FRMPD4: variants seen among roughly 807,000 people sequenced by gnomAD.
FRMPD4 encodes the protein FERM and PDZ domain-containing protein 4.
In FRMPD4, 22 loss-of-function variants were observed where a neutral mutation model predicts 94.1. That is an observed-to-expected ratio of 0.23 (90% confidence interval 0.17 to 0.33). The LOEUF (loss-of-function observed/expected upper bound fraction) is 0.33, where lower values mean the gene tolerates loss of function less well. Among genes scored for constraint, FRMPD4 ranks in the 10% least tolerant of loss-of-function variants. FRMPD4 has a pLI of 1.00. For missense variants in FRMPD4, 1,111 were observed against 1,339.9 expected (o/e 0.83, Z 2.67); for synonymous variants, 631 against 548.6 (o/e 1.15, Z -2.10).
At chrX:12,254,450 C>A (rs1337621616) in intron 1 of FRMPD4, among the ~76,000 whole-genome samples, 1 of 111,821 alleles carries the variant, frequency 8.9e-6, no homozygotes, top group Non-Finnish European at 1.9e-5. Flanking sequence ...TTATGTTGAA[C>A]CCTGATCAAC....
intron 1 of FRMPD4, among the ~76,000 whole-genome samples, chrX:11,849,442 C>G (rs746147194): frequency 9.0e-6 from 1 of 111,252 alleles, no homozygotes; most frequent in African/African-American, 3.3e-5. Flanking sequence ...TGTAGAACCT[C>G]AAGGGAGCCC....
chrX:11,911,043 T>C (rs2053994372), intron 3 of FRMPD4, among the ~76,000 whole-genome samples: 1 of 111,643 alleles, frequency 9.0e-6, no homozygotes, highest in Admixed American at 9.5e-5. Context: ...AGCCAAAAGG[T>C]CAGCAAACAT....
intron 1 of FRMPD4, among the ~76,000 whole-genome samples, chrX:11,834,094 C>A (rs1405604383): frequency 9.0e-6 from 1 of 111,596 alleles, no homozygotes; most frequent in Admixed American, 9.6e-5. Flanking sequence ...GTACGCCTCT[C>A]TTTCCTGACC....
intron 2 of FRMPD4, among the ~76,000 whole-genome samples, chrX:12,573,564 C>A (rs1281116540): frequency 8.9e-6 from 1 of 112,022 alleles, no homozygotes; most frequent in Non-Finnish European, 1.9e-5. Context: ...CTTTTCAAGA[C>A]ACTTTTTCCC....
At chrX:11,823,816 C>G (rs1278221641) in intron 1 of FRMPD4, among the ~76,000 whole-genome samples, 4 of 111,804 alleles carry the variant, frequency 3.6e-5, no homozygotes, top group Non-Finnish European at 7.5e-5. Flanking sequence ...TAACATTGTT[C>G]TGTTCACAAG....
At chrX:12,352,894 A>C (rs2055836734) in intron 1 of FRMPD4, among the ~76,000 whole-genome samples, 1 of 112,168 alleles carries the variant, frequency 8.9e-6, no homozygotes, top group African/African-American at 3.2e-5. Context: ...TATCTAGTTC[A>C]ACATAAACTC....
chrX:11,879,956 T>C (rs890778751), intron 3 of FRMPD4, among the ~76,000 whole-genome samples: 4 of 112,693 alleles, frequency 3.5e-5, no homozygotes, highest in African/African-American at 1.3e-4. Context: ...CCTCCATCTG[T>C]ATGCCTCATG....
chrX:12,459,450 C>T (rs1376744264), intron 1 of FRMPD4, among the ~76,000 whole-genome samples: 2 of 111,382 alleles, frequency 1.8e-5, no homozygotes, highest in African/African-American at 6.5e-5. Flanking sequence ...ATAGTTTCCT[C>T]AAGTCCCTTA....
At chrX:12,311,313 C>G (rs1171062627) in intron 1 of FRMPD4, among the ~76,000 whole-genome samples, 1 of 111,993 alleles carries the variant, frequency 8.9e-6, no homozygotes, top group African/African-American at 3.3e-5. Context: ...TAAAGTTAAT[C>G]AATATTTTTA....
At chrX:12,396,664 A>G (rs377573716) in intron 1 of FRMPD4, among the ~76,000 whole-genome samples, 2 of 112,125 alleles carry the variant, frequency 1.8e-5, no homozygotes, top group African/African-American at 6.5e-5. Context: ...AAATACATCT[A>G]TATATACATA....
In FRMPD4 at chrX:12,706,811, CT is replaced by C; in HGVS notation, c.1198-11del. The C allele has an allele frequency of 9.7e-7, 1 of 1,026,950 alleles. No homozygotes were observed. The highest frequency in any genetic ancestry group is 1.4e-6 in the Non-Finnish European group (1 of 740,129). The allele number at this position is 1,026,950 out of a possible 1,213,427, so 84.6% of individuals were successfully genotyped here. ...CCAATAGAGTTAACACCTGAGGTTTCTTTTCTCTCCTCAGCTCTCTGCACTA... is the reference window on the plus strand; with the variant it reads ...CCAATAGAGTTAACACCTGAGGTTTCTTTCTCTCCTCAGCTCTCTGCACTA... On this transcript the variant is annotated splice_polypyrimidine_tract_variant and intron_variant, in intron 11 of 16. Transcript: ENST00000675598.
At chrX:12,475,568 C>T (rs2057584886) in intron 1 of FRMPD4, among the ~76,000 whole-genome samples, 2 of 111,964 alleles carry the variant, frequency 1.8e-5, no homozygotes, top group African/African-American at 3.3e-5. Flanking sequence ...AAAACCCCAT[C>T]ATCTCAGTCC....
intron 3 of FRMPD4, among the ~76,000 whole-genome samples, chrX:12,096,121 C>G (rs1340298343): frequency 1.8e-5 from 2 of 112,508 alleles, no homozygotes; most frequent in Non-Finnish European, 3.8e-5. Context: ...TTGAAGGTTA[C>G]CGAATGACTG....
intron 2 of FRMPD4, among the ~76,000 whole-genome samples, chrX:12,527,057 C>A (rs2058231891): frequency 9.0e-6 from 1 of 111,705 alleles, no homozygotes; most frequent in South Asian, 3.8e-4. Context: ...ATCATATAAC[C>A]AAATCAAATT....
chrX:12,538,781 C>T (rs1177759674), intron 2 of FRMPD4, among the ~76,000 whole-genome samples: 1 of 111,911 alleles, frequency 8.9e-6, no homozygotes, highest in Non-Finnish European at 1.9e-5. Flanking sequence ...ACAGAAAGGA[C>T]ATCCACACCA....
chrX:12,373,355 A>G (rs943652487), intron 1 of FRMPD4: 2 of 112,210 alleles, frequency 1.8e-5, no homozygotes, highest in African/African-American at 6.5e-5. Context: ...TTGCATTTTA[A>G]TTATTCTGGA....
Position 12,343,902 on chromosome X carries a change from C to T in FRMPD4, c.42-154778C>T, listed in dbSNP as rs768494588. ...TTCCGTATTTATGTCCCAAAGTCATCATTTTCTTTTCTAAGCATCATCATA... is the reference window on the plus strand; with the variant it reads ...TTCCGTATTTATGTCCCAAAGTCATTATTTTCTTTTCTAAGCATCATCATA... On this transcript the variant is annotated intron_variant, in intron 1 of 16. Coordinates refer to ENST00000675598, the MANE Select transcript of FRMPD4 (RefSeq NM_001368397.1). 4.5e-5 allele frequency among the ~76,000 whole-genome samples: 5 copies of T among 112,246 alleles called. No homozygotes were observed. In the South Asian group the frequency reaches 1.9e-3, roughly 42 times the overall value.
At chrX:12,054,476 C>T (rs1400039170) in intron 3 of FRMPD4, among the ~76,000 whole-genome samples, 3 of 111,321 alleles carry the variant, frequency 2.7e-5, no homozygotes. Flanking sequence ...CCTAAACATT[C>T]AATTGATATG....
chrX:12,067,268 C>A (rs755576041), intron 3 of FRMPD4, among the ~76,000 whole-genome samples: 12 of 111,227 alleles, frequency 1.1e-4, no homozygotes, highest in African/African-American at 3.6e-4. Context: ...GCCACCGCAC[C>A]TTTGATCCCC....
Sources: allele counts gnomAD v4.1 joint callset (sites outside exome capture counted in the v4.1 genomes callset), GRCh38; gene constraint gnomAD v4.1.1; transcripts MANE v1.5; gene names NCBI Gene and HGNC (gene_info 2026-07-23, HGNC 2026-07-21).